Variants in PIP5K1C observed in about 807,000 individuals in gnomAD.
The protein encoded by PIP5K1C is phosphatidylinositol-4-phosphate 5-kinase type 1 gamma.
In PIP5K1C, 45 loss-of-function variants were observed where a neutral mutation model predicts 80.1. The observed-to-expected ratio is 0.56, with a 90% confidence interval of 0.44 to 0.72. The LOEUF is 0.72. Ranked by LOEUF, PIP5K1C falls within the 30% of genes least tolerant of loss-of-function variation. PIP5K1C has a pLI of 0.00. For synonymous variants in PIP5K1C, 498 were observed against 420.1 expected, an observed-to-expected ratio of 1.19 and a Z score of -2.27; for missense variants, 753 against 954.6, an observed-to-expected ratio of 0.79 and a Z score of 2.78.
At position 3,644,206 on chromosome 19, in the gene PIP5K1C, A is replaced by G. The variant is rs920991529; in HGVS notation, c.1391T>C (p.Leu464Pro). ...PSKKGRGGAL[L>P]AVKPLGPTAA... The stretch of plus-strand genomic sequence containing the variant: ...GGTGGGCCCCAGCGGTTTCACAGCT[A>G]GCAAGGCTCCGCCGCGCCCCTTCTT... Residue 464 changes from leucine to proline, a missense_variant, in exon 12 of 18, where the codon CTA becomes CCA. Physicochemically the swap from Leu to Pro is moderately conservative, Grantham distance 98. This residue lies in a region of PIP5K1C where 315 missense variants were observed against 294.5 expected (regional missense o/e 1.07). Coordinates refer to ENST00000335312, the MANE Select transcript of PIP5K1C (RefSeq NM_012398.3). 7 of 1,612,546 alleles carry G rather than the reference A, an allele frequency of 4.3e-6. No homozygotes were observed. The highest frequency in any genetic ancestry group is 5.9e-6 in the Non-Finnish European group (7 of 1,179,892).
rs955406088 is a variant in PIP5K1C at position 3,689,000 on chromosome 19, C to T, written c.94+11297G>A. 2.4e-4 allele frequency among the ~76,000 whole-genome samples: 37 copies of T among 152,164 alleles called. No homozygotes were observed. The highest frequency in any genetic ancestry group is 1.3e-4 in the Admixed American group (2 of 15,274). On this transcript the variant is annotated intron_variant, in intron 1 of 17. Transcript: ENST00000335312. The surrounding 1 kb of genome is among the most constrained non-coding windows in gnomAD (Gnocchi z 5.3). Reference sequence around the variant, plus strand: ...ACGCGGCCTATGGTCTGTGAGCTCCCTGTGGATAAATCAACAACACGGGTG... The same window carrying T: ...ACGCGGCCTATGGTCTGTGAGCTCCTTGTGGATAAATCAACAACACGGGTG...
intron 13 of PIP5K1C, 109 bp downstream of exon 13, chr19:3,643,134 C>CAGCG: frequency 6.4e-7 from 1 of 1,557,062 alleles, no homozygotes; most frequent in South Asian, 1.1e-5. Context: ...ACCGTACATA[C>CAGCG]GATGCTCCAC....
intron 1 of PIP5K1C, among the ~76,000 whole-genome samples, chr19:3,689,566 T>C (rs1056815291): frequency 1.3e-5 from 2 of 152,114 alleles, no homozygotes; most frequent in Admixed American, 1.3e-4. Context: ...GCAGAATTGC[T>C]TGAAACCGGA....
rs2033438768 is a variant in PIP5K1C at position 3,630,426 on chromosome 19, G to A, written c.*2741C>T. 2 of 152,544 alleles carry A rather than the reference G, an allele frequency of 1.3e-5. No individual in the cohort carries two copies. The highest frequency in any genetic ancestry group is 4.8e-5 in the African/African-American group (2 of 41,418). 9.4% of individuals were successfully genotyped at this position (152,544 alleles called of 1,614,324 possible). A position where few individuals can be genotyped will look rare whatever the true frequency, so the allele number is the denominator to read the frequency against. ...CCCTGGGGGGAGTTAAGACACACGA[G>A]GTTTGCAGTTTCATTTTGTTTCAGA... On this transcript the variant is annotated 3_prime_UTR_variant, in exon 18 of 18. Transcript: ENST00000335312.
chr19:3,664,381 G>A (rs569106175), intron 3 of PIP5K1C, among the ~76,000 whole-genome samples: 1 of 152,118 alleles, frequency 6.6e-6, no homozygotes, highest in Non-Finnish European at 1.5e-5. Flanking sequence ...TCAGTAAAAC[G>A]GTTACTTTTG....
In PIP5K1C at chr19:3,656,565, C is replaced by A. The variant is rs1240289753; in HGVS notation, c.469-8G>T. On this transcript the variant is annotated splice_polypyrimidine_tract_variant and splice_region_variant and intron_variant, in intron 5 of 17. Transcript: ENST00000335312. ...CTCATTGCACAGGGAGTACTGGAAGCAGAGGAGGCGGGTCAGCGGGCCCCA... is the reference window on the plus strand; with the variant it reads ...CTCATTGCACAGGGAGTACTGGAAGAAGAGGAGGCGGGTCAGCGGGCCCCA... 6.2e-7 allele frequency: 1 copy of A among 1,613,154 alleles called. No homozygotes were observed. The highest frequency in any genetic ancestry group is 1.3e-5 in the African/African-American group (1 of 74,938).
At position 3,633,006 on chromosome 19, in the gene PIP5K1C, A is replaced by G. The variant is rs1388532177; in HGVS notation, c.*161T>C. On this transcript the variant is annotated 3_prime_UTR_variant, in exon 18 of 18. Coordinates refer to ENST00000335312, the MANE Select transcript of PIP5K1C (RefSeq NM_012398.3). ...CGGGGCCCTGGGAGGCTTGTCGGGG[A>G]GGGGCCCGGCCGTCGGCATCCGTGC... is the stretch of plus-strand genomic sequence containing the variant. 12 of 536,746 alleles carry G rather than the reference A, an allele frequency of 2.2e-5. No individual in the cohort carries two copies. Among genetic ancestry groups the G allele is most frequent in the Non-Finnish European group, 4.0e-5 (12 of 300,030 alleles). The allele number at this position is 536,746 out of a possible 1,614,324, so 33.2% of individuals were successfully genotyped here.
In PIP5K1C at chr19:3,696,633, G is replaced by T. The variant is rs2036109989; in HGVS notation, c.94+3664C>A. Among the ~76,000 whole-genome samples, 2 of 151,692 alleles carry T rather than the reference G, an allele frequency of 1.3e-5. No individual in the cohort carries two copies. The highest frequency in any genetic ancestry group is 2.9e-5 in the Non-Finnish European group (2 of 67,902). ...TGGGGGTGGGGGGCAGCCGTGCAAA[G>T]GCCCCGGGGCAGGACCATGCCCTGC... On this transcript the variant is annotated intron_variant, in intron 1 of 17. Coordinates refer to ENST00000335312, the MANE Select transcript of PIP5K1C (RefSeq NM_012398.3). The surrounding 1 kb of genome is among the most constrained non-coding windows in gnomAD (Gnocchi z 4.1).
chr19:3,651,216 C>A (rs1228849366), intron 8 of PIP5K1C, among the ~76,000 whole-genome samples: 1 of 152,122 alleles, frequency 6.6e-6, no homozygotes, highest in Non-Finnish European at 1.5e-5. Context: ...CCACCACGTC[C>A]AGCTACATTT....
chr19:3,699,948 G>A (rs1029564880), intron 1 of PIP5K1C, among the ~76,000 whole-genome samples: 1 of 152,208 alleles, frequency 6.6e-6, no homozygotes, highest in Non-Finnish European at 1.5e-5. Context: ...ATCAGGAGGT[G>A]GGCACGCACG....
intron 16 of PIP5K1C, chr19:3,636,619 G>T: frequency 1.0e-6 from 1 of 985,680 alleles, no homozygotes; most frequent in African/African-American, 1.7e-5. Flanking sequence ...ACGGCTTCGC[G>T]GTGGCTGGCT....
At chr19:3,687,683 G>T (rs1422887431) in intron 1 of PIP5K1C, among the ~76,000 whole-genome samples, 1 of 152,016 alleles carries the variant, frequency 6.6e-6, no homozygotes, top group Non-Finnish European at 1.5e-5. Context: ...GAGGTGGCTG[G>T]AGGGGAGGGT....
At position 3,637,404 on chromosome 19, in the gene PIP5K1C, C is replaced by T. The variant is rs1228611357; in HGVS notation, c.1920+1480G>A. On this transcript the variant is annotated intron_variant, in intron 16 of 17. Coordinates refer to ENST00000335312, the MANE Select transcript of PIP5K1C (RefSeq NM_012398.3). The surrounding 1 kb of genome is among the most constrained non-coding windows in gnomAD (Gnocchi z 7.0). The stretch of plus-strand genomic sequence containing the variant: ...CAGCGTGGCTGACCTCAATTGCAGC[C>T]GTGATTTACCCAAAGCCCTTCTGGA... 2.0e-5 allele frequency: 30 copies of T among 1,535,418 alleles called. No homozygotes were observed. Among genetic ancestry groups the T allele is most frequent in the Middle Eastern group, 3.3e-4 (2 of 6,012 alleles).
At chr19:3,656,074 C>T (rs1390920839) in intron 6 of PIP5K1C, among the ~76,000 whole-genome samples, 1 of 152,224 alleles carries the variant, frequency 6.6e-6, no homozygotes, top group Non-Finnish European at 1.5e-5. Context: ...ACAGACGCTG[C>T]CCGCAGGCTG....
In PIP5K1C at chr19:3,644,269, G is replaced by C; in HGVS notation, c.1346-18C>G. On this transcript the variant is annotated intron_variant, in intron 11 of 17. Coordinates refer to ENST00000335312, the MANE Select transcript of PIP5K1C (RefSeq NM_012398.3). ...CTTCAGGGCTGCAGGGAAGGGTGGG[G>C]GTTGGTGCTTGGGGTTGCTGGGGGC... The C allele has an allele frequency of 6.2e-7, 1 of 1,609,560 alleles. No homozygotes were observed. Among genetic ancestry groups the C allele is most frequent in the Non-Finnish European group, 8.5e-7 (1 of 1,178,332 alleles).
intron 16 of PIP5K1C, among the ~76,000 whole-genome samples, chr19:3,635,132 G>A (rs2033627669): frequency 6.6e-6 from 1 of 152,260 alleles, no homozygotes. Flanking sequence ...AGCCCTGAAA[G>A]AACTGGCCCG....
In PIP5K1C at chr19:3,644,104, G is replaced by A. The variant is rs1360168571; in HGVS notation, c.1493C>T (p.Pro498Leu). The change falls in exon 12 of 18, where the codon CCC (proline) becomes CTC (leucine). Residue 498 changes from proline (P) to leucine (L), a missense_variant. Physicochemically the swap from Pro to Leu is moderately conservative, Grantham distance 98. This residue lies in a region of PIP5K1C where 315 missense variants were observed against 294.5 expected (regional missense o/e 1.07). Transcript: ENST00000335312. ...CCCCTCACCTTCGTCCTCCAGCGTG[G>A]GGTAGCTGCGGGCCCCCCGCAGGTC... is the stretch of plus-strand genomic sequence containing the variant. ...QYDLRGARSY[P>L]TLEDEGRPDL... 1 of 1,611,198 alleles carries A rather than the reference G, an allele frequency of 6.2e-7. No homozygotes were observed. Among genetic ancestry groups the A allele is most frequent in the African/African-American group, 1.3e-5 (1 of 74,882 alleles).
chr19:3,641,843 C>A, intron 14 of PIP5K1C, 34 bp from the exon 15 acceptor site: 2 of 1,542,348 alleles, frequency 1.3e-6, no homozygotes, highest in South Asian at 2.3e-5. Flanking sequence ...CTCGGTTTCC[C>A]TCCTCACTTC....
intron 3 of PIP5K1C, among the ~76,000 whole-genome samples, chr19:3,663,847 G>C (rs563013001): frequency 1.3e-5 from 2 of 152,216 alleles, no homozygotes; most frequent in Non-Finnish European, 2.9e-5. Context: ...CGAGTTACAC[G>C]TGACTTGGCA....
Sources: gnomAD v4.1 joint callset for allele counts (sites outside exome capture counted in the v4.1 genomes callset) on GRCh38, gnomAD v4.1.1 for gene constraint, gnomAD v4.1.1 regional missense constraint, Gnocchi (gnomAD v3.1) non-coding constraint, MANE v1.5 for transcripts, NCBI Gene and HGNC (gene_info 2026-07-23, HGNC 2026-07-21) for gene names.